The following ADCY1 variants were observed in gnomAD, a reference collection of about 807,000 sequenced individuals.
The protein encoded by ADCY1 is adenylate cyclase type 1.
Under a neutral mutation model 105.4 loss-of-function variants are expected in ADCY1, and 28 were observed. That is an observed-to-expected ratio of 0.27 (90% CI 0.20 to 0.36). The LOEUF is 0.36. Among genes scored for constraint, ADCY1 ranks in the 10% least tolerant of loss-of-function variants. ADCY1 has a pLI of 1.00. For missense variants in ADCY1, 977 were observed against 1,434.2 expected (o/e 0.68, Z 5.15); for synonymous variants, 655 against 623.8 (o/e 1.05, Z -0.75).
At chr7:45,618,885 C>T (rs950855923) in intron 3 of ADCY1, among the ~76,000 whole-genome samples, 3 of 152,072 alleles carry the variant, frequency 2.0e-5, no homozygotes, top group African/African-American at 7.2e-5. Flanking sequence ...GGGAAATAAA[C>T]CAGTATGTCA....
chr7:45,650,616 C>G (rs1400476650), intron 5 of ADCY1, among the ~76,000 whole-genome samples: 1 of 152,144 alleles, frequency 6.6e-6, no homozygotes, highest in Non-Finnish European at 1.5e-5. Context: ...GTGACCCTGA[C>G]TGTGCCGAGT....
At chr7:45,698,607 C>T (rs1289438958) in intron 14 of ADCY1, among the ~76,000 whole-genome samples, 1 of 152,116 alleles carries the variant, frequency 6.6e-6, no homozygotes, top group African/African-American at 2.4e-5. Context: ...GATGCTGAGC[C>T]GGGGGCCCTG....
Position 45,716,318 on chromosome 7 carries a change from G to C in ADCY1, c.*2323G>C, listed in dbSNP as rs573451730. On this transcript the variant is annotated 3_prime_UTR_variant, in exon 20 of 20. Transcript: ENST00000297323. ...GGGCTGAGATCCTGGCTGGGGCCCTGCTGTCAACCTCTCCTCCAGGCCCTG... is the reference window on the plus strand; with the variant it reads ...GGGCTGAGATCCTGGCTGGGGCCCTCCTGTCAACCTCTCCTCCAGGCCCTG... 7 of 153,490 alleles carry C rather than the reference G, an allele frequency of 4.6e-5. No individual in the cohort carries two copies. Among genetic ancestry groups the C allele is most frequent in the African/African-American group, 1.7e-4 (7 of 41,612 alleles). 9.5% of individuals were successfully genotyped at this position (153,490 alleles called of 1,614,324 possible). A position where few individuals can be genotyped will look rare whatever the true frequency, so the allele number is the denominator to read the frequency against.
At chr7:45,639,052 G>A (rs1490945981) in intron 4 of ADCY1, among the ~76,000 whole-genome samples, 1 of 152,186 alleles carries the variant, frequency 6.6e-6, no homozygotes, top group Non-Finnish European at 1.5e-5. Flanking sequence ...GGTGATGCAA[G>A]TGGCCCCTGT....
At chr7:45,644,323 C>A (rs1460013564) in intron 4 of ADCY1, among the ~76,000 whole-genome samples, 2 of 152,198 alleles carry the variant, frequency 1.3e-5, no homozygotes, top group African/African-American at 4.8e-5. Context: ...CTAGACGTTA[C>A]CTCTGTGCCC....
At position 45,719,964 on chromosome 7, in the gene ADCY1, T is replaced by G. The variant is rs114920558; in HGVS notation, c.*5969T>G. ...ACTAACTAGGTTCCATTTTCTTTGG[T>G]TTGGTTACTTATTTTTTCTTTTTGG... is the stretch of plus-strand genomic sequence containing the variant. On this transcript the variant is annotated 3_prime_UTR_variant, in exon 20 of 20. Coordinates refer to ENST00000297323, the MANE Select transcript of ADCY1 (RefSeq NM_021116.4). 1 of 152,086 alleles carries G rather than the reference T, an allele frequency of 6.6e-6. No individual in the cohort carries two copies. The highest frequency in any genetic ancestry group is 2.4e-5 in the African/African-American group (1 of 41,448). 9.4% of individuals were successfully genotyped at this position (152,086 alleles called of 1,614,324 possible). A position where few individuals can be genotyped will look rare whatever the true frequency, so the allele number is the denominator to read the frequency against.
intron 4 of ADCY1, among the ~76,000 whole-genome samples, chr7:45,629,137 A>G (rs1454254054): frequency 6.6e-6 from 1 of 152,162 alleles, no homozygotes; most frequent in Non-Finnish European, 1.5e-5. Flanking sequence ...CCAGGCAACT[A>G]CTAATTTGCT....
At chr7:45,623,618 C>G (rs571421482) in intron 4 of ADCY1, among the ~76,000 whole-genome samples, 1 of 152,328 alleles carries the variant, frequency 6.6e-6, no homozygotes, top group East Asian at 1.9e-4. Context: ...CCCATGGATA[C>G]ATTGTACTAC....
intron 8 of ADCY1, among the ~76,000 whole-genome samples, chr7:45,676,956 G>A (rs1784467722): frequency 6.6e-6 from 1 of 151,238 alleles, no homozygotes; most frequent in African/African-American, 2.4e-5. Context: ...CTTTTTTGTA[G>A]GGGCTTTAAA....
At chr7:45,700,193 C>T (rs1303644859) in intron 14 of ADCY1, among the ~76,000 whole-genome samples, 7 of 152,186 alleles carry the variant, frequency 4.6e-5, no homozygotes, top group Admixed American at 2.0e-4. Context: ...TGGACATGTG[C>T]ACCCTGCCCA....
At chr7:45,579,245 A>C (rs1314669995) in intron 1 of ADCY1, among the ~76,000 whole-genome samples, 1 of 152,126 alleles carries the variant, frequency 6.6e-6, no homozygotes, top group South Asian at 2.1e-4. Context: ...TGTGTCCCGT[A>C]TGCCTTTGTG....
rs1785220802 is a variant in ADCY1 at position 45,711,000 on chromosome 7, C to T, written c.3057+348C>T. On this transcript the variant is annotated intron_variant, in intron 19 of 19. Transcript: ENST00000297323. This position sits in a 1 kb window ranked among gnomAD's most constrained non-coding sequence, Gnocchi z 4.7. ...CACCAGCTGCCATAGGAAGGAAGGG[C>T]TTTCTTGTGTGTTTGAAGGGAGGGT... 6.6e-6 allele frequency among the ~76,000 whole-genome samples: 1 copy of T among 152,136 alleles called. No homozygotes were observed. The highest frequency in any genetic ancestry group is 1.5e-5 in the Non-Finnish European group (1 of 68,020).
In ADCY1 at chr7:45,601,130, C is replaced by T. The variant is rs117617622; in HGVS notation, c.789+8222C>T. On this transcript the variant is annotated intron_variant, in intron 2 of 19. Transcript: ENST00000297323. ...TGCCTGGACTGGTGAGTGCCTGGCTCTGGGCTCCCTGGATGGCTGAGTGCA... is the reference window on the plus strand; with the variant it reads ...TGCCTGGACTGGTGAGTGCCTGGCTTTGGGCTCCCTGGATGGCTGAGTGCA... Among the ~76,000 whole-genome samples the T allele has an allele frequency of 9.1e-3, 1,383 of 152,292 alleles. 8 individuals are homozygous for T. The highest frequency in any genetic ancestry group is 0.015 in the Non-Finnish European group (1,020 of 68,022).
intron 12 of ADCY1, among the ~76,000 whole-genome samples, chr7:45,685,478 G>A (rs1197097623): frequency 1.3e-5 from 2 of 151,938 alleles, no homozygotes; most frequent in Non-Finnish European, 2.9e-5. Context: ...TAGAAGTGGG[G>A]CAGGAGTAAC....
chr7:45,662,195 C>A lies in ADCY1; in HGVS notation c.1586C>A (p.Thr529Asn). The A allele has an allele frequency of 6.2e-7, 1 of 1,613,478 alleles. No homozygotes were observed. The highest frequency in any genetic ancestry group is 8.5e-7 in the Non-Finnish European group (1 of 1,179,850). Residue 529 changes from threonine to asparagine, a missense_variant, in exon 8 of 20, where the codon ACC becomes AAC. By Grantham distance (65) the Thr-to-Asn change is moderately conservative (BLOSUM62 0). Around this residue, in one of 7 missense-constraint regions of ADCY1, gnomAD observed 275 missense variants for 362.1 expected, o/e 0.76. Coordinates refer to ENST00000297323, the MANE Select transcript of ADCY1 (RefSeq NM_021116.4). ...KAEIPFSNVM[T>N]CEDDDKRRAL... ...GAGATCCCCTTCTCCAATGTCATGACCTGCGAGGACGATGACAAGGTAGGA... is the reference window on the plus strand; with the variant it reads ...GAGATCCCCTTCTCCAATGTCATGAACTGCGAGGACGATGACAAGGTAGGA...
At chr7:45,699,396 A>G (rs1436605652) in intron 14 of ADCY1, among the ~76,000 whole-genome samples, 2 of 152,172 alleles carry the variant, frequency 1.3e-5, no homozygotes, top group Non-Finnish European at 2.9e-5. Flanking sequence ...TGAGTCCCCC[A>G]TCTCTGTGAG....
intron 1 of ADCY1, among the ~76,000 whole-genome samples, chr7:45,588,342 G>A (rs1792796042): frequency 6.6e-6 from 1 of 152,100 alleles, no homozygotes; most frequent in South Asian, 2.1e-4. Context: ...CTGAGCCCAA[G>A]AATCAGTCAT....
At chr7:45,611,682 T>C (rs1288240913) in intron 3 of ADCY1, among the ~76,000 whole-genome samples, 2 of 152,104 alleles carry the variant, frequency 1.3e-5, no homozygotes, top group African/African-American at 4.8e-5. Flanking sequence ...ATTTATTTTA[T>C]TAAATTGTGG....
chr7:45,683,575 G>A (rs116985132), intron 11 of ADCY1, among the ~76,000 whole-genome samples: 459 of 152,258 alleles, frequency 3.0e-3, no homozygotes, highest in Non-Finnish European at 5.4e-3. Context: ...CAGGACTGGG[G>A]ACTATGGTCA....
Sources: allele counts gnomAD v4.1 joint callset (sites outside exome capture counted in the v4.1 genomes callset), GRCh38; gene constraint gnomAD v4.1.1; regional missense constraint gnomAD v4.1.1; non-coding constraint Gnocchi (gnomAD v3.1); transcripts MANE v1.5; gene names NCBI Gene and HGNC (gene_info 2026-07-23, HGNC 2026-07-21).